Variants in POM121 observed in about 807,000 individuals in gnomAD.
POM121 encodes nuclear envelope pore membrane protein POM 121.
In POM121, 32 loss-of-function variants were observed where a neutral mutation model predicts 81.3. The observed-to-expected ratio is 0.39, with a 90% CI of 0.30 to 0.53. The LOEUF (loss-of-function observed/expected upper bound fraction) is 0.53, where lower values mean the gene tolerates loss of function less well. Among genes scored for constraint, POM121 ranks in the 20% least tolerant of loss-of-function variants. The probability of loss-of-function intolerance (pLI) is 0.66; values close to 1 mark genes in which losing one functional copy is unlikely to be tolerated. For missense variants in POM121, 1,138 were observed against 1,614.6 expected (o/e 0.70, Z 5.06); for synonymous variants, 514 against 694.2 (o/e 0.74, Z 4.08).
In POM121 at chr7:72,926,795, A is replaced by G; in HGVS notation, c.861-7A>G. 2.5e-6 allele frequency: 4 copies of G among 1,612,056 alleles called. No individual in the cohort carries two copies. Among genetic ancestry groups the G allele is most frequent in the South Asian group, 2.2e-5 (2 of 90,818 alleles). On this transcript the variant is annotated splice_region_variant and splice_polypyrimidine_tract_variant and intron_variant, in intron 2 of 12. Coordinates refer to ENST00000434423, the MANE Select transcript of POM121 (RefSeq NM_001387691.1). Reference sequence around the variant, plus strand: ...TCTTACAGCTAGAATCTTGTCTTTCATTGTAGACCAGAGCAGATAATCAGC... The same window carrying G: ...TCTTACAGCTAGAATCTTGTCTTTCGTTGTAGACCAGAGCAGATAATCAGC...
At chr7:72,949,886 T>C, downstream of POM121, 1 of 1,605,808 alleles carries the variant, frequency 6.2e-7, no homozygotes, top group Non-Finnish European at 8.5e-7. Context: ...CTGGTCTTTA[T>C]TGCCTGGGGT....
At chr7:72,944,553 G>C (rs1163673576) in intron 11 of POM121, among the ~76,000 whole-genome samples, 2 of 152,198 alleles carry the variant, frequency 1.3e-5, no homozygotes, top group Admixed American at 6.5e-5. Context: ...AGCATGGCAT[G>C]TGTTTCCCAG....
chr7:72,897,975 C>T (rs1189962879), intron 3 of POM121, among the ~76,000 whole-genome samples: 7 of 151,974 alleles, frequency 4.6e-5, no homozygotes, highest in East Asian at 1.9e-4. Flanking sequence ...GCTGTGATCA[C>T]GCCACTGCAC....
At chr7:72,906,893 T>C (rs1793297423) in intron 3 of POM121, among the ~76,000 whole-genome samples, 1 of 151,846 alleles carries the variant, frequency 6.6e-6, no homozygotes, top group South Asian at 2.1e-4. Flanking sequence ...CCCCCTAATG[T>C]ACTGGGATTA....
intron 5 of POM121, among the ~76,000 whole-genome samples, chr7:72,931,625 C>G (rs1357676298): frequency 1.3e-5 from 2 of 150,292 alleles, no homozygotes; most frequent in African/African-American, 4.9e-5. Context: ...GGCTGGAGCA[C>G]AGTGGTGCGA....
intron 4 of POM121, 21 bp from the exon 5 acceptor site, chr7:72,929,919 A>G (rs1260526415): frequency 6.4e-7 from 1 of 1,564,250 alleles, no homozygotes; most frequent in East Asian, 2.3e-5. Context: ...TAAAGCATCT[A>G]ACTGTCTTCT....
In POM121 at chr7:72,880,968, A is replaced by G. The variant is rs1311044635; in HGVS notation, c.-521+1083A>G. ...ACCTTGTATTTGATGATGATGGCAGACTATTTGTAAAAGGAGTCGTGCTAC... is the reference window on the plus strand; with the variant it reads ...ACCTTGTATTTGATGATGATGGCAGGCTATTTGTAAAAGGAGTCGTGCTAC... On this transcript the variant is annotated intron_variant, in intron 1 of 15. Coordinates refer to the POM121 transcript ENST00000395270. Among the ~76,000 whole-genome samples the G allele has an allele frequency of 7.6e-5, 8 of 105,398 alleles. 1 individual carries two copies. Among genetic ancestry groups the G allele is most frequent in the African/African-American group, 2.1e-4 (7 of 33,128 alleles). The allele number at this position is 105,398 out of a possible 152,430, so 69.1% of individuals were successfully genotyped here.
At chr7:72,908,320 C>T (rs1205529094) in intron 3 of POM121, among the ~76,000 whole-genome samples, 18 of 152,164 alleles carry the variant, frequency 1.2e-4, no homozygotes, top group African/African-American at 4.1e-4. Flanking sequence ...GCCCCCAAAG[C>T]TGCAAAACCA....
intron 4 of POM121, among the ~76,000 whole-genome samples, chr7:72,928,696 T>A (rs1795716622): frequency 6.6e-6 from 1 of 152,094 alleles, no homozygotes; most frequent in Non-Finnish European, 1.5e-5. Context: ...CTTAAGAGGT[T>A]TTATAAATAT....
In POM121 at chr7:72,894,971, C is replaced by T. The variant is rs542400320; in HGVS notation, c.-216+3861C>T. 2.0e-5 allele frequency among the ~76,000 whole-genome samples: 3 copies of T among 152,250 alleles called. No individual in the cohort carries two copies. The East Asian group carries it at 5.8e-4, about 29-fold the overall frequency. ...GCTTCCACATAGCTGGGACTACAGG[C>T]CTGCCCACCACGCCCAGCTAATTTT... On this transcript the variant is annotated intron_variant, in intron 3 of 15. Coordinates refer to the POM121 transcript ENST00000395270.
At position 72,930,101 on chromosome 7, in the gene POM121, G is replaced by T; in HGVS notation, c.1265G>T (p.Gly422Val). The T allele has an allele frequency of 6.2e-7, 1 of 1,610,224 alleles. No individual in the cohort carries two copies. Among genetic ancestry groups the T allele is most frequent in the Non-Finnish European group, 8.5e-7 (1 of 1,178,220 alleles). The change falls in exon 5 of 13, where the codon GGC (glycine) becomes GTC (valine). Residue 422 changes from glycine to valine, a missense_variant. Transcript: ENST00000434423. ...ACCAGTTCCTACAGCTCCACTCGAG[G>T]CATCTCACAGGTACAAGTACAGCTC... ...AITSSYSSTR[G>V]ISQLWKRNGP...
intron 5 of POM121, among the ~76,000 whole-genome samples, chr7:72,938,005 A>G (rs532505476): frequency 3.9e-5 from 6 of 152,316 alleles, no homozygotes; most frequent in South Asian, 2.1e-4. Context: ...ATTTACTTCT[A>G]TCCTCTCCGT....
chr7:72,925,944 ATGT>A (rs1795400557), intron 1 of POM121, among the ~76,000 whole-genome samples, 179 bp downstream of exon 1: 2 of 152,020 alleles, frequency 1.3e-5, no homozygotes, highest in African/African-American at 2.4e-5. Context: ...TTGGAATGAG[ATGT>A]TGTGTTGCCA....
intron 3 of POM121, among the ~76,000 whole-genome samples, chr7:72,903,117 C>T (rs1289674600): frequency 6.6e-6 from 1 of 151,800 alleles, no homozygotes; most frequent in Non-Finnish European, 1.5e-5. Flanking sequence ...CCTTTTCCCC[C>T]CAAAAAGAAA....
chr7:72,909,108 G>A (rs1793561760), intron 3 of POM121, among the ~76,000 whole-genome samples: 1 of 152,132 alleles, frequency 6.6e-6, no homozygotes, highest in Admixed American at 6.5e-5. Context: ...ATTAATTTAG[G>A]GAACTAATAA....
Position 72,925,301 on chromosome 7 carries a change from G to C in POM121, c.180G>C (p.Val60=), listed in dbSNP as rs1795280581. The C allele has an allele frequency of 1.3e-5, 20 of 1,534,460 alleles. No individual in the cohort carries two copies. The highest frequency in any genetic ancestry group is 1.7e-5 in the Non-Finnish European group (19 of 1,146,464). The part of the protein sequence containing the change: ...PAAAALAWLT[V]GATAAWWGLS... Reference sequence around the variant, plus strand: ...CGGCTGCACTGGCCTGGCTGACCGTGGGGGCTACCGCGGCCTGGTGGGGAC... The same window carrying C: ...CGGCTGCACTGGCCTGGCTGACCGTCGGGGCTACCGCGGCCTGGTGGGGAC... The change falls in exon 1 of 13, where the codon GTG becomes GTC. Residue 60 remains valine, a synonymous_variant. Transcript: ENST00000434423.
intron 4 of POM121, 85 bp downstream of exon 4, chr7:72,928,550 G>T (rs1795701809): frequency 1.1e-5 from 16 of 1,490,730 alleles, no homozygotes; most frequent in Non-Finnish European, 1.5e-5. Context: ...TTTCCTCTTT[G>T]TTTTTTGCAT....
At chr7:72,898,183 T>G (rs1554492013) in intron 3 of POM121, among the ~76,000 whole-genome samples, 1 of 152,198 alleles carries the variant, frequency 6.6e-6, no homozygotes, top group Non-Finnish European at 1.5e-5. Flanking sequence ...GAAACCAGTT[T>G]GGTGGGAGAG....
rs113502594 is a variant in POM121, at chr7:72,899,869, A to G, written c.-216+8759A>G. Among the ~76,000 whole-genome samples, 1,392 of 152,106 alleles carry G rather than the reference A, an allele frequency of 9.2e-3. 11 individuals are homozygous for G. Among genetic ancestry groups the G allele is most frequent in the Non-Finnish European group, 0.016 (1,071 of 67,992 alleles). ...GCTGGGATTACAGGCGTGAGCCACC[A>G]CGCCTGGTGCTTTATATTAAATTTA... On this transcript the variant is annotated intron_variant, in intron 3 of 15. Transcript: ENST00000395270.
Sources: gnomAD v4.1 joint callset for allele counts (sites outside exome capture counted in the v4.1 genomes callset) on GRCh38, gnomAD v4.1.1 for gene constraint, MANE v1.5 for transcripts, NCBI Gene and HGNC (gene_info 2026-07-23, HGNC 2026-07-21) for gene names.